COX7B2: variants seen among roughly 807,000 people sequenced by gnomAD.
The protein encoded by COX7B2 is cytochrome c oxidase subunit 7B2, mitochondrial.
For synonymous variants in COX7B2, 37 were observed against 32.1 expected (o/e 1.15, Z -0.51); for missense variants, 109 against 95.9 (o/e 1.14, Z -0.57).
At chr4:46,758,057 T>G (rs1327468183) in intron 2 of COX7B2, among the ~76,000 whole-genome samples, 1 of 152,112 alleles carries the variant, frequency 6.6e-6, no homozygotes. Flanking sequence ...CTACAATACT[T>G]TATGGTAATT....
chr4:46,840,920 C>T lies in COX7B2; in HGVS notation c.-50+4040G>A, dbSNP rs190321647. Among the ~76,000 whole-genome samples the T allele has an allele frequency of 1.7e-3, 262 of 152,046 alleles. 1 individual carries two copies. Among genetic ancestry groups the T allele is most frequent in the Non-Finnish European group, 3.0e-3 (207 of 67,916 alleles). On this transcript the variant is annotated intron_variant, in intron 2 of 2. Coordinates refer to ENST00000355591, the MANE Select transcript of COX7B2 (RefSeq NM_130902.3). ...GTTTTGAAACAAAAATAAAAGGACTCATTAAATGAAGAAGTACAGAAGGCT... is the reference window on the plus strand; with the variant it reads ...GTTTTGAAACAAAAATAAAAGGACTTATTAAATGAAGAAGTACAGAAGGCT...
chr4:46,788,662 A>G (rs943630903), intron 2 of COX7B2, among the ~76,000 whole-genome samples: 3 of 152,208 alleles, frequency 2.0e-5, no homozygotes, highest in African/African-American at 7.2e-5. Context: ...ATAGAAATCA[A>G]TTTATGTATT....
chr4:46,747,280 CTATTTTATTT>C (rs113440373), intron 2 of COX7B2, among the ~76,000 whole-genome samples: 26 of 102,422 alleles, frequency 2.5e-4, no homozygotes, highest in East Asian at 7.8e-4. Flanking sequence ...CATTAAGCTC[CTATTTTATTT>C]TATTTTATTT....
At chr4:46,877,248 T>A (rs1221024399) in intron 1 of COX7B2, among the ~76,000 whole-genome samples, 1 of 152,218 alleles carries the variant, frequency 6.6e-6, no homozygotes, top group Non-Finnish European at 1.5e-5. Context: ...GGAAACATAG[T>A]GCTAGCTTGT....
At chr4:46,860,197 G>A (rs573757635) in intron 1 of COX7B2, among the ~76,000 whole-genome samples, 1 of 152,306 alleles carries the variant, frequency 6.6e-6, no homozygotes, top group East Asian at 1.9e-4. Flanking sequence ...GGTGACTGAT[G>A]ATACAGTCGA....
intron 2 of COX7B2, among the ~76,000 whole-genome samples, chr4:46,795,447 TA>T (rs1718273579): frequency 8.6e-6 from 1 of 116,910 alleles, no homozygotes; most frequent in Admixed American, 9.5e-5. Flanking sequence ...CACCATTTAT[TA>T]AATAGGGAAT....
chr4:46,760,881 A>T (rs1475877156), intron 2 of COX7B2, among the ~76,000 whole-genome samples: 1 of 152,210 alleles, frequency 6.6e-6, no homozygotes, highest in Non-Finnish European at 1.5e-5. Context: ...CAAAGAAATG[A>T]AGAAAGAATA....
intron 2 of COX7B2, among the ~76,000 whole-genome samples, chr4:46,800,970 T>G (rs755202741): frequency 6.6e-6 from 1 of 151,914 alleles, no homozygotes; most frequent in Non-Finnish European, 1.5e-5. Flanking sequence ...AAGACACACA[T>G]GCAGCCAACA....
chr4:46,881,809 A>T (rs908599349), intron 1 of COX7B2, among the ~76,000 whole-genome samples: 7 of 151,900 alleles, frequency 4.6e-5, no homozygotes, highest in African/African-American at 1.7e-4. Flanking sequence ...GGCCCAAGAT[A>T]TTTTCCTTTC....
intron 1 of COX7B2, among the ~76,000 whole-genome samples, chr4:46,908,132 T>A (rs1720520744): frequency 6.6e-6 from 1 of 151,970 alleles, no homozygotes; most frequent in African/African-American, 2.4e-5. Context: ...ATTACAGGTG[T>A]CAGCCACTGC....
At chr4:46,873,192 T>C (rs1191765380) in intron 1 of COX7B2, among the ~76,000 whole-genome samples, 2 of 152,208 alleles carry the variant, frequency 1.3e-5, no homozygotes, top group Admixed American at 1.3e-4. Context: ...ATGGTGTATA[T>C]GTGCCCATAT....
intron 2 of COX7B2, among the ~76,000 whole-genome samples, chr4:46,803,915 CTG>C (rs758847660): frequency 6.6e-5 from 10 of 152,090 alleles, no homozygotes; most frequent in Non-Finnish European, 1.3e-4. Flanking sequence ...TAGGAAAACA[CTG>C]TGTCCGGAAT....
chr4:46,771,922 G>A (rs1319829002), intron 2 of COX7B2, among the ~76,000 whole-genome samples: 1 of 152,020 alleles, frequency 6.6e-6, no homozygotes. Context: ...TCATGTTGGT[G>A]CTCAAAAAGT....
chr4:46,876,327 T>A (rs1340148656), intron 1 of COX7B2, among the ~76,000 whole-genome samples: 1 of 152,020 alleles, frequency 6.6e-6, no homozygotes, highest in Non-Finnish European at 1.5e-5. Context: ...ATTTAAATAA[T>A]ATTTCATTGT....
intron 1 of COX7B2, among the ~76,000 whole-genome samples, chr4:46,877,627 T>A (rs1344393955): frequency 1.3e-5 from 2 of 152,114 alleles, no homozygotes; most frequent in African/African-American, 4.8e-5. Flanking sequence ...TTGAAAAGCA[T>A]CAACATCAAT....
At chr4:46,847,404 T>C (rs1206049861) in intron 1 of COX7B2, among the ~76,000 whole-genome samples, 5 of 152,030 alleles carry the variant, frequency 3.3e-5, no homozygotes, top group Admixed American at 6.6e-5. Context: ...CTCCCTCCTA[T>C]AGCTCGAAGA....
At chr4:46,817,477 A>G (rs1719614907) in intron 2 of COX7B2, among the ~76,000 whole-genome samples, 1 of 152,204 alleles carries the variant, frequency 6.6e-6, no homozygotes, top group African/African-American at 2.4e-5. Context: ...AAACTCAAAT[A>G]TAAGCTGAAT....
chr4:46,880,255 C>A (rs1718622688), intron 1 of COX7B2, among the ~76,000 whole-genome samples: 1 of 152,006 alleles, frequency 6.6e-6, no homozygotes, highest in Non-Finnish European at 1.5e-5. Context: ...TGTGTCTCTG[C>A]CAGGTTTTGA....
At chr4:46,793,933 C>T (rs2109594774) in intron 2 of COX7B2, among the ~76,000 whole-genome samples, 1 of 152,258 alleles carries the variant, frequency 6.6e-6, no homozygotes, top group Admixed American at 6.5e-5. Flanking sequence ...GTGGCATCTA[C>T]ATTCATAGTG....
Sources: gnomAD v4.1 joint callset for allele counts (sites outside exome capture counted in the v4.1 genomes callset) on GRCh38, gnomAD v4.1.1 for gene constraint, MANE v1.5 for transcripts, NCBI Gene and HGNC (gene_info 2026-07-23, HGNC 2026-07-21) for gene names.